VWA8: variants seen among roughly 807,000 people sequenced by gnomAD.
The protein encoded by VWA8 is von Willebrand factor A domain-containing protein 8.
In VWA8, 221 loss-of-function variants were observed where a neutral mutation model predicts 241.5. That is an observed-to-expected ratio of 0.91 (90% CI 0.82 to 1.02). VWA8 has a LOEUF of 1.02. Among genes scored for constraint, VWA8 ranks in the 50% least tolerant of loss-of-function variants. The pLI is 0.00. For missense variants in VWA8, 2,322 were observed against 2,328.7 expected (o/e 1.00, Z 0.06); for synonymous variants, 852 against 827.1 (o/e 1.03, Z -0.52).
chr13:41,908,395 G>A (rs1040057975), intron 3 of VWA8, among the ~76,000 whole-genome samples: 2 of 152,036 alleles, frequency 1.3e-5, no homozygotes, highest in African/African-American at 2.4e-5. Context: ...GAACCCAGGA[G>A]GTGGAGGTTG....
At chr13:41,794,271 G>A (rs1188909322) in intron 17 of VWA8, among the ~76,000 whole-genome samples, 2 of 152,120 alleles carry the variant, frequency 1.3e-5, no homozygotes, top group Non-Finnish European at 2.9e-5. Flanking sequence ...CATGAGTATG[G>A]AATGTTTTTC....
chr13:41,709,864 C>T lies in VWA8; in HGVS notation c.3117-6453G>A, dbSNP rs1205602404. The stretch of plus-strand genomic sequence containing the variant: ...AGGTGCAATCATTGTGCTCCACAGC[C>T]TTGAACTTATGGGCTCAAGGAATCC... On this transcript the variant is annotated intron_variant, in intron 26 of 44. Coordinates refer to ENST00000379310, the MANE Select transcript of VWA8 (RefSeq NM_015058.2). Among the ~76,000 whole-genome samples the T allele has an allele frequency of 3.3e-5, 5 of 151,572 alleles. No individual in the cohort carries two copies. The South Asian group carries it at 6.3e-4, about 19-fold the overall frequency.
chr13:41,743,715 C>T (rs2045584600), intron 21 of VWA8, among the ~76,000 whole-genome samples: 1 of 152,172 alleles, frequency 6.6e-6, no homozygotes, highest in South Asian at 2.1e-4. Context: ...TTATTAATAG[C>T]ATCAATATTT....
chr13:41,671,840 C>T (rs1319219191), intron 36 of VWA8, among the ~76,000 whole-genome samples: 1 of 152,158 alleles, frequency 6.6e-6, no homozygotes, highest in Non-Finnish European at 1.5e-5. Flanking sequence ...GCTTTCCCAG[C>T]CTCCAGACTG....
At chr13:41,886,371 C>T (rs1479501904) in intron 7 of VWA8, among the ~76,000 whole-genome samples, 2 of 151,828 alleles carry the variant, frequency 1.3e-5, no homozygotes, top group Non-Finnish European at 2.9e-5. Flanking sequence ...ACATTCCATG[C>T]TTTTAAAACA....
chr13:41,595,072 G>C (rs377684021), intron 40 of VWA8, among the ~76,000 whole-genome samples: 1 of 152,148 alleles, frequency 6.6e-6, no homozygotes, highest in Non-Finnish European at 1.5e-5. Flanking sequence ...GTACCATGAA[G>C]GACTATTAGG....
At chr13:41,577,283 A>C (rs918928269) in intron 42 of VWA8, among the ~76,000 whole-genome samples, 79 of 152,252 alleles carry the variant, frequency 5.2e-4, no homozygotes, top group African/African-American at 1.9e-3. Context: ...AATATAAAAG[A>C]ATAGCGAAGG....
At chr13:41,945,881 C>T (rs763501632) in intron 2 of VWA8, among the ~76,000 whole-genome samples, 3 of 152,062 alleles carry the variant, frequency 2.0e-5, no homozygotes, top group South Asian at 2.1e-4. Context: ...TTGCCAACTT[C>T]GATGAAAAAC....
At position 41,907,684 on chromosome 13, in the gene VWA8, G is replaced by A. The variant is rs142543350; in HGVS notation, c.385C>T (p.Arg129Trp). The change falls in exon 4 of 45, where the codon CGG becomes TGG. Residue 129 changes from arginine (R) to tryptophan (W), a missense_variant. Transcript: ENST00000379310. Reference protein sequence around the residue: ...IAMQYLELTKREVEYIALSRD... With the variant: ...IAMQYLELTKWEVEYIALSRD... The stretch of plus-strand genomic sequence containing the variant: ...GACAGGGCAATGTATTCGACCTCCC[G>A]TTTGGTCAGCTCCTGTAGAGAAGAG... 1,544 of 1,613,944 alleles carry A rather than the reference G, an allele frequency of 9.6e-4. 4 individuals carry two copies. Among genetic ancestry groups the A allele is most frequent in the Non-Finnish European group, 1.2e-3 (1,420 of 1,179,886 alleles).
chr13:41,928,601 T>C (rs966715690), intron 2 of VWA8, among the ~76,000 whole-genome samples: 3 of 151,862 alleles, frequency 2.0e-5, no homozygotes, highest in African/African-American at 7.3e-5. Flanking sequence ...GCAAAAGCAG[T>C]TCTAAGAGCA....
chr13:41,837,711 G>T (rs1256559538), intron 12 of VWA8, among the ~76,000 whole-genome samples: 1 of 152,104 alleles, frequency 6.6e-6, no homozygotes, highest in Admixed American at 6.5e-5. Flanking sequence ...CTATTAGTAA[G>T]CAGAAATGCA....
At chr13:41,588,189 A>C (rs2044431585) in intron 41 of VWA8, among the ~76,000 whole-genome samples, 1 of 152,234 alleles carries the variant, frequency 6.6e-6, no homozygotes, top group Non-Finnish European at 1.5e-5. Flanking sequence ...GGTCTGGCAA[A>C]GAAATTAAAG....
At chr13:41,759,494 T>G (rs2137904458) in intron 21 of VWA8, among the ~76,000 whole-genome samples, 1 of 151,812 alleles carries the variant, frequency 6.6e-6, no homozygotes, top group Middle Eastern at 3.4e-3. Context: ...TACCATTATC[T>G]CTTCAAAATA....
intron 37 of VWA8, among the ~76,000 whole-genome samples, chr13:41,669,319 T>C (rs1354671303): frequency 6.6e-6 from 1 of 152,244 alleles, no homozygotes; most frequent in Non-Finnish European, 1.5e-5. Context: ...AAATATTTAT[T>C]CAGTTACATC....
intron 28 of VWA8, among the ~76,000 whole-genome samples, chr13:41,700,763 T>C (rs1265903896): frequency 6.6e-6 from 1 of 152,260 alleles, no homozygotes; most frequent in Non-Finnish European, 1.5e-5. Context: ...ATAGAACTTA[T>C]AGGCATAAAG....
intron 35 of VWA8, among the ~76,000 whole-genome samples, chr13:41,678,952 C>A (rs2045078964): frequency 6.6e-6 from 1 of 152,130 alleles, no homozygotes; most frequent in Non-Finnish European, 1.5e-5. Context: ...GAAAATAAGT[C>A]AGCTCAGAAG....
chr13:41,632,148 T>C (rs1386339307), intron 37 of VWA8, among the ~76,000 whole-genome samples: 1 of 152,178 alleles, frequency 6.6e-6, no homozygotes, highest in African/African-American at 2.4e-5. Flanking sequence ...TTGGTTTTGG[T>C]ATATAAAAGG....
At chr13:41,711,371 CCTT>C (rs918166125) in intron 26 of VWA8, among the ~76,000 whole-genome samples, 1 of 152,286 alleles carries the variant, frequency 6.6e-6, no homozygotes, top group East Asian at 1.9e-4. Flanking sequence ...AGAAAGTACA[CCTT>C]CTCTTTGTCC....
chr13:41,772,782 T>C (rs1269910401), intron 20 of VWA8, among the ~76,000 whole-genome samples: 1 of 152,246 alleles, frequency 6.6e-6, no homozygotes, highest in African/African-American at 2.4e-5. Context: ...TGCTTGTATT[T>C]AGCTTCCCAA....
Sources: gnomAD v4.1 joint callset for allele counts (sites outside exome capture counted in the v4.1 genomes callset) on GRCh38, gnomAD v4.1.1 for gene constraint, MANE v1.5 for transcripts, NCBI Gene and HGNC (gene_info 2026-07-23, HGNC 2026-07-21) for gene names.